MAGI1: variants seen among roughly 807,000 people sequenced by gnomAD.
MAGI1 encodes the protein membrane associated guanylate kinase, WW and PDZ domain containing 1, also known as membrane-associated guanylate kinase, WW and PDZ domain-containing protein 1.
In MAGI1, 58 loss-of-function variants were observed where a neutral mutation model predicts 139.9. The observed-to-expected ratio is 0.41, with a 90% CI of 0.34 to 0.52. MAGI1 has a LOEUF of 0.52. MAGI1 is among the 20% of genes least tolerant of loss of function. The pLI is 0.12. For missense variants in MAGI1, 1,874 were observed against 1,901.6 expected (o/e 0.99, Z 0.27); for synonymous variants, 812 against 737.9 (o/e 1.10, Z -1.63).
chr3:65,363,462 T>C lies in MAGI1; in HGVS notation c.3495+3A>G, dbSNP rs754668733. ...CCTACCCCAGACTCCTCTCTCCACT[T>C]ACCCTCATCTTTCCACACCTCTCCG... On this transcript the variant is annotated splice_donor_region_variant and intron_variant, in intron 21 of 22. Transcript: ENST00000402939. 2 of 1,607,692 alleles carry C rather than the reference T, an allele frequency of 1.2e-6. No homozygotes were observed. The highest frequency in any genetic ancestry group is 2.2e-5 in the South Asian group (2 of 89,860).
chr3:65,855,757 A>G (rs894651892), intron 1 of MAGI1, among the ~76,000 whole-genome samples: 3 of 151,640 alleles, frequency 2.0e-5, no homozygotes, highest in Non-Finnish European at 2.9e-5. Flanking sequence ...CCAACACCGG[A>G]TAGCCCATTA....
chr3:65,473,888 A>T (rs1950709243), intron 4 of MAGI1, among the ~76,000 whole-genome samples: 1 of 152,122 alleles, frequency 6.6e-6, no homozygotes, highest in African/African-American at 2.4e-5. Flanking sequence ...AAGTCCAAAA[A>T]TGAGCTGCTG....
chr3:65,795,443 T>C (rs953764695), intron 1 of MAGI1, among the ~76,000 whole-genome samples: 2 of 152,148 alleles, frequency 1.3e-5, no homozygotes, highest in Non-Finnish European at 2.9e-5. Context: ...CTGGGCTACA[T>C]ACTGTGTCAT....
intron 1 of MAGI1, among the ~76,000 whole-genome samples, chr3:65,901,165 C>T (rs531370617): frequency 6.6e-6 from 1 of 152,266 alleles, no homozygotes; most frequent in South Asian, 2.1e-4. Context: ...CAGAGCCCAA[C>T]ATAAAGACTA....
At chr3:65,538,161 T>C (rs1235852930) in intron 2 of MAGI1, among the ~76,000 whole-genome samples, 1 of 152,034 alleles carries the variant, frequency 6.6e-6, no homozygotes, top group East Asian at 1.9e-4. Context: ...ATAAATAAAA[T>C]AAATGTAAAC....
intron 2 of MAGI1, among the ~76,000 whole-genome samples, chr3:65,572,274 T>A (rs182057257): frequency 6.6e-6 from 1 of 152,220 alleles, no homozygotes; most frequent in East Asian, 1.9e-4. Flanking sequence ...CTCTAAGAGA[T>A]CAGAGGATGA....
At chr3:65,697,527 T>A (rs1263557297) in intron 1 of MAGI1, among the ~76,000 whole-genome samples, 1 of 125,568 alleles carries the variant, frequency 8.0e-6, no homozygotes, top group African/African-American at 3.4e-5. Context: ...TTATCCACCA[T>A]GATCAAGTGG....
chr3:65,643,404 G>T (rs2085088815), intron 1 of MAGI1, among the ~76,000 whole-genome samples: 1 of 151,996 alleles, frequency 6.6e-6, no homozygotes, highest in African/African-American at 2.4e-5. Flanking sequence ...AAATAAAGAG[G>T]GTGACACTTC....
chr3:65,984,192 G>A (rs1297564961), intron 1 of MAGI1, among the ~76,000 whole-genome samples: 1 of 152,184 alleles, frequency 6.6e-6, no homozygotes. Flanking sequence ...TACTTGGGAG[G>A]CTGAGGCAGG....
chr3:65,957,918 A>G (rs1385809508), intron 1 of MAGI1, among the ~76,000 whole-genome samples: 2 of 151,802 alleles, frequency 1.3e-5, no homozygotes, highest in Admixed American at 6.6e-5. Flanking sequence ...ACATGCATGC[A>G]GCACCACGCG....
intron 1 of MAGI1, among the ~76,000 whole-genome samples, chr3:65,851,793 T>C (rs1374483997): frequency 1.3e-5 from 2 of 152,052 alleles, no homozygotes; most frequent in Admixed American, 6.6e-5. Flanking sequence ...ACATACAAGA[T>C]GGCCACATAT....
intron 1 of MAGI1, among the ~76,000 whole-genome samples, chr3:65,726,107 G>A (rs1452220706): frequency 6.6e-6 from 1 of 152,166 alleles, no homozygotes; most frequent in Non-Finnish European, 1.5e-5. Flanking sequence ...GAGATTAAAT[G>A]AATTACTGCT....
chr3:66,007,891 ATT>A (rs35578902), intron 1 of MAGI1, among the ~76,000 whole-genome samples: 78 of 122,468 alleles, frequency 6.4e-4, no homozygotes, highest in African/African-American at 1.1e-3. Context: ...GGCTCCATAG[ATT>A]TTTTTTTTTT....
intron 2 of MAGI1, among the ~76,000 whole-genome samples, chr3:65,498,096 G>C (rs1172663737): frequency 1.3e-5 from 2 of 152,108 alleles, no homozygotes; most frequent in South Asian, 2.1e-4. Flanking sequence ...TCTTGTAGCA[G>C]AATGGCAGGC....
intron 15 of MAGI1, among the ~76,000 whole-genome samples, chr3:65,382,285 A>T (rs966054269): frequency 1.3e-5 from 2 of 152,182 alleles, no homozygotes; most frequent in African/African-American, 4.8e-5. Flanking sequence ...CCAGATGTTT[A>T]TCTGTGGCCT....
chr3:65,659,585 T>C (rs572903965), intron 1 of MAGI1, among the ~76,000 whole-genome samples: 52 of 152,304 alleles, frequency 3.4e-4, no homozygotes, highest in African/African-American at 1.2e-3. Flanking sequence ...ATCCCACCCC[T>C]TGGTTAAAGA....
intron 1 of MAGI1, among the ~76,000 whole-genome samples, chr3:65,971,968 G>A (rs2065032812): frequency 6.6e-6 from 1 of 152,174 alleles, no homozygotes; most frequent in African/African-American, 2.4e-5. Context: ...AAAATCCAAA[G>A]GCAAATAGGA....
At chr3:65,684,728 GTCC>G (rs2087875049) in intron 1 of MAGI1, among the ~76,000 whole-genome samples, 1 of 151,928 alleles carries the variant, frequency 6.6e-6, no homozygotes. Context: ...TTGAGACAGA[GTCC>G]TCCTCTGTCA....
intron 1 of MAGI1, among the ~76,000 whole-genome samples, chr3:65,894,863 T>C (rs75990228): frequency 0.017 from 2,661 of 152,320 alleles, 70 homozygotes; most frequent in African/African-American, 0.061. Flanking sequence ...CACATCTTTA[T>C]TGCCGGCTGA....
Sources: allele counts gnomAD v4.1 joint callset (sites outside exome capture counted in the v4.1 genomes callset), GRCh38; gene constraint gnomAD v4.1.1; transcripts MANE v1.5; gene names NCBI Gene and HGNC (gene_info 2026-07-23, HGNC 2026-07-21).